KANK1: variants seen among roughly 807,000 people sequenced by gnomAD.
KANK1 encodes the protein KN motif and ankyrin repeat domains 1, also known as KN motif and ankyrin repeat domain-containing protein 1.
KANK1 carries 109 observed loss-of-function variants against 106.2 expected under a neutral mutation model. The ratio of observed to expected loss-of-function variants is 1.03; its 90% CI spans 0.88 to 1.20. KANK1 has a LOEUF of 1.20. KANK1 is among the 50% of genes most tolerant of loss of function. The pLI is 0.00. For synonymous variants in KANK1, 873 were observed against 652.2 expected (o/e 1.34, Z -5.16); for missense variants, 2,399 against 1,710.7 (o/e 1.40, Z -7.10).
At chr9:577,567 T>C (rs1370243671) in intron 1 of KANK1, among the ~76,000 whole-genome samples, 1 of 152,154 alleles carries the variant, frequency 6.6e-6, no homozygotes, top group African/African-American at 2.4e-5. Flanking sequence ...CGGCTTCACC[T>C]CTCAGTATCA....
chr9:702,462 A>G (rs139258294), intron 2 of KANK1, among the ~76,000 whole-genome samples: 46 of 152,314 alleles, frequency 3.0e-4, no homozygotes, highest in African/African-American at 1.1e-3. Flanking sequence ...AGAACAGTGC[A>G]TGGTAAATAG....
At chr9:675,164 A>G (rs1816137196) in intron 1 of KANK1, among the ~76,000 whole-genome samples, 1 of 152,204 alleles carries the variant, frequency 6.6e-6, no homozygotes, top group Non-Finnish European at 1.5e-5. Flanking sequence ...TTTTAATAAA[A>G]TTAGGTTTAG....
chr9:671,108 A>T (rs60698927), intron 1 of KANK1, among the ~76,000 whole-genome samples: 4,787 of 151,770 alleles, frequency 0.032, 266 homozygotes, highest in African/African-American at 0.11. Context: ...TTTCATCTAC[A>T]TTTTTAAAGT....
chr9:564,058 C>A (rs999382784), intron 1 of KANK1, among the ~76,000 whole-genome samples: 2 of 141,744 alleles, frequency 1.4e-5, no homozygotes, highest in African/African-American at 6.0e-5. Flanking sequence ...TGTGCACTTT[C>A]TTTCTTTTTT....
chr9:555,773 G>A (rs546814219), intron 1 of KANK1, among the ~76,000 whole-genome samples: 1 of 152,136 alleles, frequency 6.6e-6, no homozygotes, highest in Non-Finnish European at 1.5e-5. Context: ...TAGTACATAC[G>A]TGTTTTTAGA....
intron 3 of KANK1, among the ~76,000 whole-genome samples, chr9:729,130 T>G (rs1422863927): frequency 6.6e-6 from 1 of 152,254 alleles, no homozygotes; most frequent in Non-Finnish European, 1.5e-5. Context: ...AAATATTATT[T>G]AATCCAAATT....
At chr9:557,313 G>T (rs2061657455) in intron 1 of KANK1, among the ~76,000 whole-genome samples, 1 of 152,042 alleles carries the variant, frequency 6.6e-6, no homozygotes, top group Admixed American at 6.6e-5. Context: ...GAAAAAGAGG[G>T]AATATATTAA....
At chr9:596,495 C>T (rs1467214647) in intron 1 of KANK1, among the ~76,000 whole-genome samples, 2 of 151,786 alleles carry the variant, frequency 1.3e-5, no homozygotes, top group Non-Finnish European at 2.9e-5. Context: ...GATCATTTTG[C>T]TGTCACGGAG....
intron 1 of KANK1, among the ~76,000 whole-genome samples, chr9:516,715 T>G (rs958759541): frequency 6.6e-6 from 1 of 151,650 alleles, no homozygotes; most frequent in Non-Finnish European, 1.5e-5. Flanking sequence ...TAGGTTATAC[T>G]TCATAGGCAT....
chr9:725,906 T>C (rs1355399012), intron 3 of KANK1, among the ~76,000 whole-genome samples: 1 of 152,178 alleles, frequency 6.6e-6, no homozygotes, highest in Admixed American at 6.5e-5. Flanking sequence ...CACCTGACAT[T>C]GTGAGTAGAT....
At chr9:715,408 C>T (rs1428694371) in intron 3 of KANK1, among the ~76,000 whole-genome samples, 1 of 152,152 alleles carries the variant, frequency 6.6e-6, no homozygotes, top group Non-Finnish European at 1.5e-5. Flanking sequence ...GCATTTTGTT[C>T]CCAGCCTTCC....
At chr9:532,961 C>T (rs144306160) in intron 1 of KANK1, among the ~76,000 whole-genome samples, 3 of 151,958 alleles carry the variant, frequency 2.0e-5, no homozygotes, top group African/African-American at 7.3e-5. Context: ...GGTGTTTTGC[C>T]GACGATAATG....
chr9:684,109 T>G, intron 2 of KANK1: 4 of 954,426 alleles, frequency 4.2e-6, no homozygotes, highest in Non-Finnish European at 5.0e-6. Flanking sequence ...TCATCAGAGC[T>G]TGCTTGTTTC....
chr9:600,405 A>G (rs1827446071), intron 1 of KANK1, among the ~76,000 whole-genome samples: 1 of 151,906 alleles, frequency 6.6e-6, no homozygotes, highest in South Asian at 2.1e-4. Context: ...CCATTGTAGC[A>G]TCACATTGAG....
chr9:470,492 A>T (rs572091617), intron 1 of KANK1: 2 of 152,554 alleles, frequency 1.3e-5, no homozygotes, highest in South Asian at 2.1e-4. Flanking sequence ...GTGGGCATAG[A>T]CCTGAAATCT....
At chr9:556,359 T>C (rs1303828614) in intron 1 of KANK1, among the ~76,000 whole-genome samples, 1 of 152,224 alleles carries the variant, frequency 6.6e-6, no homozygotes, top group East Asian at 1.9e-4. Context: ...AGGGAAGACT[T>C]AGGGAACCTT....
Position 742,187 on chromosome 9 carries a change from T to TGTCA in KANK1, c.3697-17_3697-14dup. 1 of 1,612,832 alleles carries TGTCA rather than the reference T, an allele frequency of 6.2e-7. No homozygotes were observed. The highest frequency in any genetic ancestry group is 8.5e-7 in the Non-Finnish European group (1 of 1,178,998). ...GCTCAGTACGTACTTCTGAAGTCCT[T>TGTCA]GTCATCTCTTCCCATAGGCGGGACA... On this transcript the variant is annotated splice_polypyrimidine_tract_variant and intron_variant, in intron 9 of 11. Coordinates refer to ENST00000382297, the MANE Select transcript of KANK1 (RefSeq NM_015158.5).
chr9:573,529 C>G (rs965863497), intron 1 of KANK1, among the ~76,000 whole-genome samples: 1 of 152,060 alleles, frequency 6.6e-6, no homozygotes, highest in African/African-American at 2.4e-5. Context: ...CTCGGCCTCC[C>G]AAAGTGCTGG....
At chr9:657,448 A>G (rs1053707785) in intron 1 of KANK1, among the ~76,000 whole-genome samples, 1 of 152,126 alleles carries the variant, frequency 6.6e-6, no homozygotes, top group South Asian at 2.1e-4. Context: ...AGGAACCTCT[A>G]TACTGTTTTC....
Sources: gnomAD v4.1 joint callset for allele counts (sites outside exome capture counted in the v4.1 genomes callset) on GRCh38, gnomAD v4.1.1 for gene constraint, MANE v1.5 for transcripts, NCBI Gene and HGNC (gene_info 2026-07-23, HGNC 2026-07-21) for gene names.